The following CLCA2 variants were observed in gnomAD, a reference collection of about 807,000 sequenced individuals.
CLCA2 encodes the protein chloride channel accessory 2, also known as calcium-activated chloride channel regulator 2.
In CLCA2, 85 loss-of-function variants were observed where a neutral mutation model predicts 82.9. The ratio of observed to expected loss-of-function variants is 1.03; its 90% CI spans 0.86 to 1.23. The LOEUF (loss-of-function observed/expected upper bound fraction) is 1.23, where lower values mean the gene tolerates loss of function less well. Among genes scored for constraint, CLCA2 ranks in the 50% most tolerant of loss-of-function variants. The probability of loss-of-function intolerance (pLI) is 0.00; values close to 1 mark genes in which losing one functional copy is unlikely to be tolerated. For missense variants in CLCA2, 1,089 were observed against 1,124.8 expected (o/e 0.97, Z 0.45); for synonymous variants, 421 against 391.7 (o/e 1.07, Z -0.88).
chr1:86,439,043 G>T lies in CLCA2; in HGVS notation c.1140G>T (p.Leu380=). ...NDDRKLLVSY[L]PTTVSAKTDI... ...ATCGAAAGTTGCTGGTTTCATATCT[G>T]CCCACCACTGTATCAGCTAAAACAG... is the stretch of plus-strand genomic sequence containing the variant. Residue 380 remains leucine (L), a synonymous_variant, in exon 7 of 14, where the codon CTG becomes CTT. Transcript: ENST00000370565. 1 of 1,614,104 alleles carries T rather than the reference G, an allele frequency of 6.2e-7. No homozygotes were observed. The highest frequency in any genetic ancestry group is 8.5e-7 in the Non-Finnish European group (1 of 1,179,980).
chr1:86,432,227 C>T, intron 4 of CLCA2, 142 bp from the exon 5 acceptor site: 5 of 886,120 alleles, frequency 5.6e-6, no homozygotes, highest in Non-Finnish European at 8.5e-6. Context: ...TGAGCCACAG[C>T]ACCCCGCCAG....
rs758795639 is a variant in CLCA2, at chr1:86,434,595, T to C, written c.822T>C (p.Ser274=). Residue 274 remains serine (S), a synonymous_variant, in exon 6 of 14, where the codon AGT becomes AGC. Transcript: ENST00000370565. The part of the protein sequence containing the change: ...NLQNQMCSLR[S]AWDVITDSAD... ...AGAACCAGATGTGCAGCCTCAGAAG[T>C]GCATGGGATGTAATCACAGACTCTG... 2.5e-6 allele frequency: 4 copies of C among 1,614,062 alleles called. No homozygotes were observed. The highest frequency in any genetic ancestry group is 2.2e-5 in the East Asian group (1 of 44,880).
chr1:86,440,626 C>T (rs1011716498), intron 8 of CLCA2, among the ~76,000 whole-genome samples: 9 of 152,060 alleles, frequency 5.9e-5, no homozygotes, highest in Admixed American at 2.0e-4. Flanking sequence ...TGTGGGCGGG[C>T]GCGGTGGCTC....
chr1:86,428,971 A>G lies in CLCA2; in HGVS notation c.475+403A>G, dbSNP rs1211259766. Among the ~76,000 whole-genome samples the G allele has an allele frequency of 3.9e-5, 6 of 152,318 alleles. No individual in the cohort carries two copies. The East Asian group carries it at 1.2e-3, about 29-fold the overall frequency. On this transcript the variant is annotated intron_variant, in intron 3 of 13. Coordinates refer to ENST00000370565, the MANE Select transcript of CLCA2 (RefSeq NM_006536.7). ...TATAGGAGAGACAGAGACCCTGATG[A>G]TGGTGCAGGGAGACTGTGGGCAGTG... is the stretch of plus-strand genomic sequence containing the variant.
intron 2 of CLCA2, among the ~76,000 whole-genome samples, chr1:86,426,642 A>G (rs1314300968): frequency 6.6e-6 from 1 of 152,170 alleles, no homozygotes; most frequent in African/African-American, 2.4e-5. Flanking sequence ...CATAACTTAA[A>G]ATTAGTTTCT....
intron 2 of CLCA2, among the ~76,000 whole-genome samples, chr1:86,426,816 G>A (rs1243201565): frequency 3.3e-5 from 5 of 152,082 alleles, no homozygotes; most frequent in African/African-American, 1.2e-4. Context: ...GAGATTTAAT[G>A]CATCTATTGG....
Position 86,455,092 on chromosome 1 carries a change from C to A in CLCA2, c.2397C>A (p.Ser799Arg). Residue 799 changes from serine (S) to arginine (R), a missense_variant, in exon 14 of 14, where the codon AGC (serine) becomes AGA (arginine). Physicochemically the swap from Ser to Arg is moderately radical, Grantham distance 110 (BLOSUM62 -1). Coordinates refer to ENST00000370565, the MANE Select transcript of CLCA2 (RefSeq NM_006536.7). ...GEDFDQGQAT[S>R]YEIRMSKSLQ... ...TATATTTTTTAATTTCAGCTACAAG[C>A]TATGAAATAAGAATGAGTAAAAGTC... The A allele has an allele frequency of 2.0e-6, 3 of 1,506,134 alleles. No homozygotes were observed. The South Asian group carries it at 4.0e-5, about 20-fold the overall frequency. The allele number at this position is 1,506,134 out of a possible 1,614,324, so 93.3% of individuals were successfully genotyped here.
rs747578568 is a variant in CLCA2 at position 86,440,162 on chromosome 1, G to T, written c.1218G>T (p.Leu406=). ...TCTATGTTCAGGTGGTTGAAAAACT[G>T]AATGGAAAAGCTTATGGCTCTGTGA... The part of the protein sequence containing the change: ...LKKGFEVVEK[L]NGKAYGSVMI... The change falls in exon 8 of 14, where the codon CTG becomes CTT. Residue 406 remains leucine (L), a synonymous_variant. Coordinates refer to ENST00000370565, the MANE Select transcript of CLCA2 (RefSeq NM_006536.7). 2.6e-5 allele frequency: 42 copies of T among 1,613,620 alleles called. No individual in the cohort carries two copies. Among genetic ancestry groups the T allele is most frequent in the Non-Finnish European group, 3.6e-5 (42 of 1,179,886 alleles).
chr1:86,443,488 T>C (rs1476756400), intron 9 of CLCA2, among the ~76,000 whole-genome samples: 2 of 152,252 alleles, frequency 1.3e-5, no homozygotes, highest in Admixed American at 1.3e-4. Context: ...ATTGCTGATC[T>C]GAGGCCAATG....
chr1:86,432,439 A>G lies in CLCA2; in HGVS notation c.655A>G (p.Ser219Gly), dbSNP rs540609629. ...GPCPQENCII[S>G]KLFKEGCTFI... ...TTGCCCCCAAGAAAACTGTATTATTAGTAAGCTTTTTAAAGAAGGATGCAC... is the reference window on the plus strand; with the variant it reads ...TTGCCCCCAAGAAAACTGTATTATTGGTAAGCTTTTTAAAGAAGGATGCAC... Residue 219 changes from serine (S) to glycine (G), a missense_variant, in exon 5 of 14, where the codon AGT becomes GGT. By Grantham distance (56) the Ser-to-Gly change is moderately conservative. Transcript: ENST00000370565. The G allele has an allele frequency of 1.1e-5, 18 of 1,614,106 alleles. No individual in the cohort carries two copies. In the African/African-American group the frequency reaches 2.4e-4, roughly 22 times the overall value.
intron 12 of CLCA2, among the ~76,000 whole-genome samples, chr1:86,452,252 C>G (rs1309699181): frequency 3.0e-4 from 42 of 137,750 alleles, no homozygotes; most frequent in African/African-American, 1.0e-3. Flanking sequence ...TATCCATCAC[C>G]AGCTTTTGTT....
intron 1 of CLCA2, 34 bp downstream of exon 1, chr1:86,424,467 C>A (rs767391200): frequency 1.3e-6 from 2 of 1,569,526 alleles, no homozygotes; most frequent in Non-Finnish European, 1.7e-6. Flanking sequence ...TACTAGCATC[C>A]CATTTGATCA....
chr1:86,447,583 G>T lies in CLCA2; in HGVS notation c.1789G>T (p.Ala597Ser). ...QALKVTVTSR[A>S]SNSAVPPATV... The stretch of plus-strand genomic sequence containing the variant: ...CCTGAAAGTGACAGTGACCTCTCGC[G>T]CCTCCAACTCAGCTGTGCCCCCAGC... The change falls in exon 11 of 14, where the codon GCC becomes TCC. Residue 597 changes from alanine to serine, a missense_variant. Coordinates refer to ENST00000370565, the MANE Select transcript of CLCA2 (RefSeq NM_006536.7). 1.9e-6 allele frequency: 3 copies of T among 1,613,944 alleles called. No homozygotes were observed. The highest frequency in any genetic ancestry group is 2.5e-6 in the Non-Finnish European group (3 of 1,179,968).
At chr1:86,425,956 G>A (rs1365196342) in intron 2 of CLCA2, among the ~76,000 whole-genome samples, 2 of 152,104 alleles carry the variant, frequency 1.3e-5, no homozygotes, top group African/African-American at 4.8e-5. Context: ...CTCAAGTCCA[G>A]AATATTGTTT....
At position 86,443,885 on chromosome 1, in the gene CLCA2, G is replaced by C. The variant is rs548600933; in HGVS notation, c.1587G>C (p.Thr529=). 1.9e-6 allele frequency: 3 copies of C among 1,613,792 alleles called. No individual in the cohort carries two copies. The highest frequency in any genetic ancestry group is 1.1e-5 in the South Asian group (1 of 91,078). Residue 529 remains threonine, a synonymous_variant, in exon 10 of 14, where the codon ACG becomes ACC. Transcript: ENST00000370565. ...TVGNDTMFLV[T]WQASGPPEII... ...GCAACGACACTATGTTTCTAGTTAC[G>C]TGGCAGGCCAGTGGTCCTCCTGAGA...
chr1:86,440,865 C>T (rs932191726), intron 8 of CLCA2, among the ~76,000 whole-genome samples: 2 of 152,170 alleles, frequency 1.3e-5, no homozygotes, highest in East Asian at 1.9e-4. Flanking sequence ...CACGCTACTG[C>T]ACTCCAGCCT....
At chr1:86,430,992 A>G (rs746341898) in intron 4 of CLCA2, 22 bp downstream of exon 4, 27 of 1,494,890 alleles carry the variant, frequency 1.8e-5, no homozygotes, top group Middle Eastern at 1.7e-4. Flanking sequence ...TTTTCATGTT[A>G]TAATTCATTA....
intron 9 of CLCA2, 150 bp from the exon 10 acceptor site, chr1:86,443,637 A>AT: frequency 3.3e-6 from 2 of 613,100 alleles, no homozygotes; most frequent in East Asian, 3.0e-5. Flanking sequence ...TTTGCAAAGT[A>AT]TTTTTTATGA....
At position 86,447,692 on chromosome 1, in the gene CLCA2, A is replaced by G. The variant is rs1558117413; in HGVS notation, c.1898A>G (p.Tyr633Cys). The G allele has an allele frequency of 3.7e-6, 6 of 1,614,134 alleles. No individual in the cohort carries two copies. Among genetic ancestry groups the G allele is most frequent in the Non-Finnish European group, 5.1e-6 (6 of 1,180,016 alleles). Residue 633 changes from tyrosine to cysteine, a missense_variant, in exon 11 of 14, where the codon TAT (tyrosine) becomes TGT (cysteine). Coordinates refer to ENST00000370565, the MANE Select transcript of CLCA2 (RefSeq NM_006536.7). ...TATGCCAATGTGAAACAGGGATTTT[A>G]TCCCATTCTTAATGCCACTGTCACT... is the stretch of plus-strand genomic sequence containing the variant. ...MIYANVKQGFYPILNATVTAT... is the reference protein window; with the variant it reads ...MIYANVKQGFCPILNATVTAT...
Sources: allele counts gnomAD v4.1 joint callset (sites outside exome capture counted in the v4.1 genomes callset), GRCh38; gene constraint gnomAD v4.1.1; transcripts MANE v1.5; gene names NCBI Gene and HGNC (gene_info 2026-07-23, HGNC 2026-07-21).